LRP1: variants seen among roughly 807,000 people sequenced by gnomAD.
LRP1 encodes the protein LDL receptor related protein 1, also known as prolow-density lipoprotein receptor-related protein 1.
LRP1 carries 51 observed loss-of-function variants against 541.5 expected under a neutral mutation model. The observed-to-expected ratio is 0.09, with a 90% CI of 0.08 to 0.12. The LOEUF (loss-of-function observed/expected upper bound fraction) is 0.12, where lower values mean the gene tolerates loss of function less well. Among genes scored for constraint, LRP1 ranks in the 10% least tolerant of loss-of-function variants. The probability of loss-of-function intolerance (pLI) is 1.00; values close to 1 mark genes in which losing one functional copy is unlikely to be tolerated. For missense variants in LRP1, 3,878 were observed against 6,376.2 expected (o/e 0.61, Z 13.34); for synonymous variants, 2,219 against 2,470.8 (o/e 0.90, Z 3.02).
chr12:57,165,651 C>T lies in LRP1; in HGVS notation c.2531-154C>T, dbSNP rs896770748. 8.7e-6 allele frequency: 6 copies of T among 687,030 alleles called. No homozygotes were observed. The South Asian group carries it at 9.9e-5, about 11-fold the overall frequency. The allele number at this position is 687,030 out of a possible 1,614,324, so 42.6% of individuals were successfully genotyped here. A position where few individuals can be genotyped will look rare whatever the true frequency, so the allele number is the denominator to read the frequency against. ...CTTGGGAAAGAATTGCAGTTTCCAT[C>T]CAGATAATTTGTTTCATGAGGAATT... On this transcript the variant is annotated intron_variant, in intron 15 of 88. Coordinates refer to ENST00000243077, the MANE Select transcript of LRP1 (RefSeq NM_002332.3). This position sits in a 1 kb window ranked among gnomAD's most constrained non-coding sequence, Gnocchi z 4.5.
In LRP1 at chr12:57,197,510, A is replaced by G. The variant is rs1355108009; in HGVS notation, c.9163-35A>G. 2 of 1,613,822 alleles carry G rather than the reference A, an allele frequency of 1.2e-6. No individual in the cohort carries two copies. The highest frequency in any genetic ancestry group is 1.7e-6 in the Non-Finnish European group (2 of 1,179,914). ...TGCAAATGTGGCCCCTGTTGCCACA[A>G]CCGACTTCTGCTGTCCTTCACTCCC... On this transcript the variant is annotated intron_variant, in intron 57 of 88. Coordinates refer to ENST00000243077, the MANE Select transcript of LRP1 (RefSeq NM_002332.3). The surrounding 1 kb of genome is among the most constrained non-coding windows in gnomAD (Gnocchi z 4.5).
At position 57,213,334 on chromosome 12, in the gene LRP1, A is replaced by C. The variant is rs1418945511; in HGVS notation, c.*779A>C. 3.2e-5 allele frequency: 3 copies of C among 94,012 alleles called. No individual in the cohort carries two copies. The highest frequency in any genetic ancestry group is 6.0e-5 in the Non-Finnish European group (3 of 50,198). 5.8% of individuals were successfully genotyped at this position (94,012 alleles called of 1,614,324 possible). A position where few individuals can be genotyped will look rare whatever the true frequency, so the allele number is the denominator to read the frequency against. On this transcript the variant is annotated 3_prime_UTR_variant, in exon 89 of 89. Coordinates refer to ENST00000243077, the MANE Select transcript of LRP1 (RefSeq NM_002332.3). ...AATAACACAGATATTGTTATAAATA[A>C]AATTGTAAAAAAAAAAAAAAAAAAA...
intron 1 of LRP1, chr12:57,132,121 G>C (rs1261777264): frequency 6.6e-6 from 1 of 152,342 alleles, no homozygotes; most frequent in African/African-American, 2.4e-5. Context: ...GTAGTGCTGG[G>C]TATGAGCGAT....
Position 57,161,225 on chromosome 12 carries a change from G to A in LRP1, c.2202+110G>A, listed in dbSNP as rs2035727503. On this transcript the variant is annotated intron_variant, in intron 13 of 88. Coordinates refer to ENST00000243077, the MANE Select transcript of LRP1 (RefSeq NM_002332.3). ...TGGGTATCTGTGTGTGTCCAGGCCT[G>A]TGTGCCTCTATAGATGTGTGCATCT... 8.0e-6 allele frequency: 8 copies of A among 995,162 alleles called. No homozygotes were observed. In the South Asian group the frequency reaches 1.2e-4, roughly 15 times the overall value. The allele number at this position is 995,162 out of a possible 1,614,324, so 61.6% of individuals were successfully genotyped here.
In LRP1 at chr12:57,195,998, G is replaced by A; in HGVS notation, c.8696G>A (p.Ser2899Asn). Residue 2899 changes from serine (S) to asparagine (N), a missense_variant, in exon 54 of 89, where the codon AGC (serine) becomes AAC (asparagine). Around this residue, in one of 13 missense-constraint regions of LRP1, gnomAD observed 1,100 missense variants for 1,827.4 expected, o/e 0.60. Coordinates refer to ENST00000243077, the MANE Select transcript of LRP1 (RefSeq NM_002332.3). ...GCTCCCAAGAACCCACACTGCACCA[G>A]CCAAGGTGGGCCCCAGACCTGGCTC... ...DEAPKNPHCT[S>N]QEHKCNASSQ... The A allele has an allele frequency of 1.2e-6, 2 of 1,612,764 alleles. No homozygotes were observed. Among genetic ancestry groups the A allele is most frequent in the Non-Finnish European group, 1.7e-6 (2 of 1,179,986 alleles).
chr12:57,204,130 G>T lies in LRP1; in HGVS notation c.10952-280G>T. 3.0e-6 allele frequency: 1 copy of T among 335,036 alleles called. No individual in the cohort carries two copies. The highest frequency in any genetic ancestry group is 4.4e-5 in the Admixed American group (1 of 22,944). The allele number at this position is 335,036 out of a possible 1,614,324, so 20.8% of individuals were successfully genotyped here. A position where few individuals can be genotyped will look rare whatever the true frequency, so the allele number is the denominator to read the frequency against. On this transcript the variant is annotated intron_variant, in intron 70 of 88. Transcript: ENST00000243077. The surrounding 1 kb of genome is among the most constrained non-coding windows in gnomAD (Gnocchi z 5.3). ...CTACACAGCCCAGTGCTGTTCCCAC[G>T]TCCCCGCTGTGGAACTACACAGCAC...
In LRP1 at chr12:57,165,963, C is replaced by T; in HGVS notation, c.2671+18C>T. On this transcript the variant is annotated intron_variant, in intron 16 of 88. Coordinates refer to ENST00000243077, the MANE Select transcript of LRP1 (RefSeq NM_002332.3). The surrounding 1 kb of genome is among the most constrained non-coding windows in gnomAD (Gnocchi z 4.5). ...CCTCTGCCGTGAGTCACACGCCCTG[C>T]CCCACCCTGTTGGATGGCAGGCCTG... The T allele has an allele frequency of 6.2e-7, 1 of 1,613,752 alleles. No homozygotes were observed. Among genetic ancestry groups the T allele is most frequent in the Non-Finnish European group, 8.5e-7 (1 of 1,179,684 alleles).
intron 10 of LRP1, among the ~76,000 whole-genome samples, chr12:57,157,404 C>G (rs1483651105): frequency 6.6e-6 from 1 of 152,108 alleles, no homozygotes; most frequent in Non-Finnish European, 1.5e-5. Flanking sequence ...TGAGGTGAGG[C>G]GTTCCACACC....
chr12:57,203,133 A>G (rs764505554), intron 68 of LRP1, 48 bp from the exon 69 acceptor site: 2 of 1,340,670 alleles, frequency 1.5e-6, no homozygotes, highest in South Asian at 2.7e-5. Context: ...TGAGGCCTGG[A>G]GTCCTTGTGC....
rs2036248500 is a variant in LRP1, at chr12:57,185,344, A to G, written c.6463+139A>G. The G allele has an allele frequency of 2.9e-6, 4 of 1,378,140 alleles. No individual in the cohort carries two copies. Among genetic ancestry groups the G allele is most frequent in the Non-Finnish European group, 3.9e-6 (4 of 1,013,710 alleles). The allele number at this position is 1,378,140 out of a possible 1,614,324, so 85.4% of individuals were successfully genotyped here. On this transcript the variant is annotated intron_variant, in intron 40 of 88. Coordinates refer to ENST00000243077, the MANE Select transcript of LRP1 (RefSeq NM_002332.3). This position sits in a 1 kb window ranked among gnomAD's most constrained non-coding sequence, Gnocchi z 4.9. ...CAACTTCCGATGGCCCGAGAGACCC[A>G]GGGATGGGGAGGAAAGGCTGAGGTG... is the stretch of plus-strand genomic sequence containing the variant.
chr12:57,206,444 G>A lies in LRP1; in HGVS notation c.11591-29G>A. On this transcript the variant is annotated intron_variant, in intron 75 of 88. Transcript: ENST00000243077. The surrounding 1 kb of genome is among the most constrained non-coding windows in gnomAD (Gnocchi z 4.7). ...GTGGGGTGCACACCTGCATCCCACAGCCCCAGCCCTGGCCTCTTGCTTCTC... is the reference window on the plus strand; with the variant it reads ...GTGGGGTGCACACCTGCATCCCACAACCCCAGCCCTGGCCTCTTGCTTCTC... 1 of 1,610,608 alleles carries A rather than the reference G, an allele frequency of 6.2e-7. No individual in the cohort carries two copies. The highest frequency in any genetic ancestry group is 8.5e-7 in the Non-Finnish European group (1 of 1,178,078).
intron 76 of LRP1, among the ~76,000 whole-genome samples, chr12:57,207,222 G>A (rs1468493381): frequency 1.3e-5 from 2 of 150,972 alleles, no homozygotes; most frequent in African/African-American, 4.9e-5. Context: ...CAGCCTGGGC[G>A]AGAGAGTGAG....
At chr12:57,176,911 T>A (rs117404895) in intron 24 of LRP1, 130 bp from the exon 25 acceptor site, 4 of 723,986 alleles carry the variant, frequency 5.5e-6, no homozygotes, top group Non-Finnish European at 9.5e-6. Context: ...TACTCTTGAA[T>A]ATGGGCACAT....
At position 57,190,656 on chromosome 12, in the gene LRP1, G is replaced by A. The variant is rs1390196895; in HGVS notation, c.7032-149G>A. On this transcript the variant is annotated intron_variant, in intron 42 of 88. Coordinates refer to ENST00000243077, the MANE Select transcript of LRP1 (RefSeq NM_002332.3). ...TCTGTGCAATAGTGGGGCCCTTCCTGGGCATTGGGGCACTGCTGGCCTCTA... is the reference window on the plus strand; with the variant it reads ...TCTGTGCAATAGTGGGGCCCTTCCTAGGCATTGGGGCACTGCTGGCCTCTA... 21 of 655,638 alleles carry A rather than the reference G, an allele frequency of 3.2e-5. No homozygotes were observed. The Admixed American group carries it at 5.1e-4, about 16-fold the overall frequency. 40.6% of individuals were successfully genotyped at this position (655,638 alleles called of 1,614,324 possible).
rs2036161984 is a variant in LRP1 at position 57,181,301 on chromosome 12, T to C, written c.5662+10T>C. 1 of 1,607,564 alleles carries C rather than the reference T, an allele frequency of 6.2e-7. No homozygotes were observed. The highest frequency in any genetic ancestry group is 8.5e-7 in the Non-Finnish European group (1 of 1,177,926). ...CAGCAGGCCTGCGAGGGTCAGTGCC[T>C]GGCTTTCCTCCCAGCCTTGTCCCAG... On this transcript the variant is annotated intron_variant, in intron 34 of 88. Transcript: ENST00000243077.
At chr12:57,167,410 A>C in intron 18 of LRP1, 34 bp from the exon 19 acceptor site, 1 of 1,464,360 alleles carries the variant, frequency 6.8e-7, no homozygotes, top group Non-Finnish European at 9.6e-7. Context: ...TGTAATCGTG[A>C]AGGCCCTACT....
At chr12:57,174,679 C>T (rs1379796508) in intron 22 of LRP1, among the ~76,000 whole-genome samples, 2 of 152,178 alleles carry the variant, frequency 1.3e-5, no homozygotes, top group African/African-American at 2.4e-5. Flanking sequence ...GCAGGAGACT[C>T]GCTTGAACCT....
chr12:57,143,843 C>A (rs369859379), intron 4 of LRP1, 45 bp downstream of exon 4: 88 of 1,574,342 alleles, frequency 5.6e-5, no homozygotes, highest in Middle Eastern at 5.0e-4. Context: ...GTGCCAGTAG[C>A]CAGTTGAGGT....
At position 57,195,761 on chromosome 12, in the gene LRP1, T is replaced by G; in HGVS notation, c.8541T>G (p.Ser2847=). The G allele has an allele frequency of 6.2e-7, 1 of 1,614,196 alleles. No homozygotes were observed. Among genetic ancestry groups the G allele is most frequent in the Non-Finnish European group, 8.5e-7 (1 of 1,180,028 alleles). The part of the protein sequence containing the change: ...CDHDRDCADG[S]DESPECEYPT... ...ACGACCGTGACTGTGCAGATGGCTC[T>G]GATGAGTCCCCCGAGTGTGGTGAGC... The change falls in exon 53 of 89, where the codon TCT becomes TCG. Residue 2847 remains serine (S), a synonymous_variant. Coordinates refer to ENST00000243077, the MANE Select transcript of LRP1 (RefSeq NM_002332.3).
Sources: gnomAD v4.1 joint callset for allele counts (sites outside exome capture counted in the v4.1 genomes callset) on GRCh38, gnomAD v4.1.1 for gene constraint, gnomAD v4.1.1 regional missense constraint, Gnocchi (gnomAD v3.1) non-coding constraint, MANE v1.5 for transcripts, NCBI Gene and HGNC (gene_info 2026-07-23, HGNC 2026-07-21) for gene names.